The following PDE4B variants were observed in gnomAD, a reference collection of about 807,000 sequenced individuals.
PDE4B encodes phosphodiesterase 4B, also known as 3',5'-cyclic-AMP phosphodiesterase 4B.
A neutral mutation model predicts 82.2 loss-of-function variants in PDE4B; 20 were observed. The ratio of observed to expected loss-of-function variants is 0.24; its 90% CI spans 0.17 to 0.35. PDE4B has a LOEUF of 0.35. Among genes scored for constraint, PDE4B ranks in the 10% least tolerant of loss-of-function variants. The probability of loss-of-function intolerance (pLI) is 1.00; values close to 1 mark genes in which losing one functional copy is unlikely to be tolerated. For synonymous variants in PDE4B, 320 were observed against 318.9 expected (o/e 1.00, Z -0.04); for missense variants, 655 against 907.2 (o/e 0.72, Z 3.57).
chr1:66,199,460 G>T (rs1484571700), intron 3 of PDE4B, among the ~76,000 whole-genome samples: 4 of 151,840 alleles, frequency 2.6e-5, no homozygotes, highest in Admixed American at 6.6e-5. Context: ...TGTTTTGTTT[G>T]TTTGTTTGTT....
intron 3 of PDE4B, among the ~76,000 whole-genome samples, chr1:66,132,587 A>C (rs1273759277): frequency 6.6e-6 from 1 of 152,206 alleles, no homozygotes; most frequent in Non-Finnish European, 1.5e-5. Context: ...CTTCTTAAAG[A>C]GACAAATAAT....
chr1:66,350,739 C>T (rs1023504937), intron 8 of PDE4B, among the ~76,000 whole-genome samples: 2 of 152,092 alleles, frequency 1.3e-5, no homozygotes, highest in African/African-American at 4.8e-5. Context: ...ATCTTGCCTG[C>T]GGATCTTTGC....
At chr1:65,924,675 T>G (rs1647405006) in intron 3 of PDE4B, among the ~76,000 whole-genome samples, 1 of 152,168 alleles carries the variant, frequency 6.6e-6, no homozygotes, top group Non-Finnish European at 1.5e-5. Context: ...AATTGGCCAG[T>G]ACTGTAGTCA....
At chr1:65,844,110 A>G (rs1043745075) in intron 1 of PDE4B, among the ~76,000 whole-genome samples, 3 of 152,158 alleles carry the variant, frequency 2.0e-5, no homozygotes, top group African/African-American at 7.2e-5. Flanking sequence ...ATATATAATC[A>G]TAATATTTGG....
chr1:66,140,745 T>G (rs1646155096), intron 3 of PDE4B, among the ~76,000 whole-genome samples: 1 of 152,236 alleles, frequency 6.6e-6, no homozygotes, highest in Non-Finnish European at 1.5e-5. Context: ...TATGTGTGCC[T>G]ATTAAAGTTA....
chr1:66,028,372 C>CA (rs1391946509), intron 3 of PDE4B, among the ~76,000 whole-genome samples: 1 of 152,138 alleles, frequency 6.6e-6, no homozygotes, highest in Non-Finnish European at 1.5e-5. Flanking sequence ...GCCTAGTCCA[C>CA]AAAACCACCT....
chr1:66,334,411 A>C (rs1570713477), intron 8 of PDE4B, among the ~76,000 whole-genome samples: 1 of 152,354 alleles, frequency 6.6e-6, no homozygotes, highest in African/African-American at 2.4e-5. Flanking sequence ...TTTATTAAAA[A>C]TAATCTTATT....
chr1:66,047,475 ATC>A (rs1488060043), intron 3 of PDE4B, among the ~76,000 whole-genome samples: 1 of 151,876 alleles, frequency 6.6e-6, no homozygotes, highest in African/African-American at 2.4e-5. Flanking sequence ...AGTCAGTCAG[ATC>A]TCCAGACTTT....
chr1:65,975,187 G>A (rs1650343250), intron 3 of PDE4B, among the ~76,000 whole-genome samples: 1 of 152,206 alleles, frequency 6.6e-6, no homozygotes, highest in African/African-American at 2.4e-5. Flanking sequence ...TTCAGAACTG[G>A]AGTAAAGTTG....
intron 3 of PDE4B, among the ~76,000 whole-genome samples, chr1:65,945,984 T>A (rs534003096): frequency 6.6e-6 from 1 of 151,936 alleles, no homozygotes; most frequent in Non-Finnish European, 1.5e-5. Context: ...ATGCCACTTT[T>A]CTTCTTTCCC....
chr1:66,246,391 A>G (rs1023345106), intron 3 of PDE4B, among the ~76,000 whole-genome samples: 1 of 152,244 alleles, frequency 6.6e-6, no homozygotes, highest in Non-Finnish European at 1.5e-5. Context: ...GAATTGGTAT[A>G]CAGGAAATTC....
intron 3 of PDE4B, among the ~76,000 whole-genome samples, chr1:66,217,330 C>T (rs543118114): frequency 9.9e-5 from 15 of 152,192 alleles, no homozygotes; most frequent in South Asian, 4.1e-4. Context: ...TATTGAGATG[C>T]GCAATGACTA....
In PDE4B at chr1:66,283,984, G is replaced by A. The variant is rs147417219; in HGVS notation, c.634+17897G>A. Among the ~76,000 whole-genome samples, 114 of 152,276 alleles carry A rather than the reference G, an allele frequency of 7.5e-4. 1 individual carries two copies. Among genetic ancestry groups the A allele is most frequent in the Middle Eastern group, 3.4e-3 (1 of 294 alleles). On this transcript the variant is annotated intron_variant, in intron 7 of 16. Transcript: ENST00000341517. ...GAGTACTCACCACAACATGAATCAG[G>A]CATTATGCCTGGGTAATGCTGGATA...
chr1:66,092,118 G>T (rs988129899), intron 3 of PDE4B, among the ~76,000 whole-genome samples: 1 of 151,942 alleles, frequency 6.6e-6, no homozygotes, highest in Non-Finnish European at 1.5e-5. Flanking sequence ...GTGGAAATCA[G>T]AATTTAATAT....
chr1:66,128,471 A>G (rs145376572), intron 3 of PDE4B, among the ~76,000 whole-genome samples: 26 of 152,386 alleles, frequency 1.7e-4, no homozygotes, highest in Admixed American at 3.3e-4. Context: ...GGTTGCATTT[A>G]TATCGGAGTC....
intron 7 of PDE4B, among the ~76,000 whole-genome samples, chr1:66,301,367 G>A (rs935012057): frequency 1.3e-5 from 2 of 151,948 alleles, no homozygotes; most frequent in South Asian, 2.1e-4. Context: ...TATTCAAACC[G>A]TTTTCACTTT....
intron 3 of PDE4B, among the ~76,000 whole-genome samples, chr1:65,952,211 A>G (rs928790083): frequency 2.0e-5 from 3 of 152,082 alleles, no homozygotes; most frequent in Non-Finnish European, 4.4e-5. Flanking sequence ...CCATTGTCCT[A>G]GGGAATCACT....
At position 65,831,306 on chromosome 1, in the gene PDE4B, A is replaced by G. The variant is rs1646078977; in HGVS notation, c.-71+38058A>G. Among the ~76,000 whole-genome samples the G allele has an allele frequency of 2.6e-5, 4 of 152,280 alleles. No individual in the cohort carries two copies. The South Asian group carries it at 6.2e-4, about 24-fold the overall frequency. On this transcript the variant is annotated intron_variant, in intron 1 of 16. Transcript: ENST00000341517. The stretch of plus-strand genomic sequence containing the variant: ...TGGTAAACCTCTTGCAAGGCTGATT[A>G]AGAAAAACTGACACACATTCCTAAT...
intron 3 of PDE4B, among the ~76,000 whole-genome samples, chr1:65,995,481 T>C (rs1381741287): frequency 6.6e-6 from 1 of 152,190 alleles, no homozygotes; most frequent in East Asian, 1.9e-4. Context: ...TTGCTTCGCC[T>C]TTTTGTCTCT....
Sources: allele counts gnomAD v4.1 joint callset (sites outside exome capture counted in the v4.1 genomes callset), GRCh38; gene constraint gnomAD v4.1.1; transcripts MANE v1.5; gene names NCBI Gene and HGNC (gene_info 2026-07-23, HGNC 2026-07-21).